Variants in SMIM14 observed in about 807,000 individuals in gnomAD.
SMIM14 encodes the protein chromosome 4 open reading frame 34.
SMIM14 carries 5 observed loss-of-function variants against 12.6 expected under a neutral mutation model. That is an observed-to-expected ratio of 0.40 (90% CI 0.21 to 0.83). The LOEUF is 0.83. Ranked by LOEUF, SMIM14 falls within the 40% of genes least tolerant of loss-of-function variation. SMIM14 has a pLI of 0.37. For synonymous variants in SMIM14, 30 were observed against 40.1 expected, an observed-to-expected ratio of 0.75 and a Z score of 0.95; for missense variants, 86 against 119.1, an observed-to-expected ratio of 0.72 and a Z score of 1.29.
intron 2 of SMIM14, among the ~76,000 whole-genome samples, chr4:39,589,161 AC>A (rs1713931476): frequency 6.6e-6 from 1 of 152,176 alleles, no homozygotes; most frequent in African/African-American, 2.4e-5. Flanking sequence ...ATCTCTGCAC[AC>A]TGTAACCTCT....
At chr4:39,562,354 G>A (rs1472852412) in intron 3 of SMIM14, among the ~76,000 whole-genome samples, 1 of 152,070 alleles carries the variant, frequency 6.6e-6, no homozygotes, top group Non-Finnish European at 1.5e-5. Flanking sequence ...TCCAGCCAGG[G>A]TGGCAGAGAC....
chr4:39,563,534 G>A (rs1288712979), intron 3 of SMIM14, among the ~76,000 whole-genome samples: 1 of 152,208 alleles, frequency 6.6e-6, no homozygotes, highest in Non-Finnish European at 1.5e-5. Flanking sequence ...AAATGAATCT[G>A]ATGCAACAGT....
At chr4:39,594,280 C>T (rs1379127345) in intron 2 of SMIM14, 8 of 152,112 alleles carry the variant, frequency 5.3e-5, no homozygotes, top group Non-Finnish European at 8.8e-5. Flanking sequence ...TTTGACAAAC[C>T]TGAGAAAAAC....
chr4:39,606,103 T>C (rs1714793580), intron 1 of SMIM14, among the ~76,000 whole-genome samples: 1 of 152,050 alleles, frequency 6.6e-6, no homozygotes. Context: ...CCCAGCACTT[T>C]GGGAGGCTGA....
intron 2 of SMIM14, among the ~76,000 whole-genome samples, chr4:39,578,231 TAC>T (rs1401840189): frequency 4.6e-5 from 7 of 152,152 alleles, no homozygotes; most frequent in Non-Finnish European, 8.8e-5. Context: ...CACTGCAGCC[TAC>T]ACTTCCCAGG....
intron 2 of SMIM14, chr4:39,593,918 G>A (rs567825416): frequency 6.6e-6 from 1 of 152,238 alleles, no homozygotes; most frequent in South Asian, 2.1e-4. Flanking sequence ...CAAACAAATG[G>A]AAGAATATTC....
intron 3 of SMIM14, among the ~76,000 whole-genome samples, chr4:39,568,278 CAAA>C (rs958053391): frequency 8.6e-6 from 1 of 116,098 alleles, no homozygotes; most frequent in Non-Finnish European, 1.8e-5. Flanking sequence ...GACTCCTTCT[CAAA>C]AAAAAAAAAA....
chr4:39,624,906 A>T (rs1424979033), intron 1 of SMIM14, among the ~76,000 whole-genome samples: 2 of 151,586 alleles, frequency 1.3e-5, no homozygotes, highest in Non-Finnish European at 2.9e-5. Context: ...GGAAGTAGGC[A>T]AGAAAAGGAT....
rs548745974 is a variant in SMIM14, at chr4:39,582,824, C to T, written c.76-10361G>A. Among the ~76,000 whole-genome samples the T allele has an allele frequency of 2.0e-4, 31 of 152,002 alleles. 2 individuals are homozygous for T. Among genetic ancestry groups the T allele is most frequent in the African/African-American group, 6.3e-4 (26 of 41,396 alleles). On this transcript the variant is annotated intron_variant, in intron 2 of 4. Coordinates refer to ENST00000295958, the MANE Select transcript of SMIM14 (RefSeq NM_174921.3). The stretch of plus-strand genomic sequence containing the variant: ...TTTATTTATTTTTGCAACAGAGTCT[C>T]GCTCTTTTCACCCAGGCCGGATTGT...
intron 4 of SMIM14, 127 bp downstream of exon 4, chr4:39,556,301 G>T: frequency 1.2e-6 from 1 of 821,656 alleles, no homozygotes; most frequent in Non-Finnish European, 1.9e-6. Flanking sequence ...AACTACATAG[G>T]TAGAATACTC....
At chr4:39,618,120 T>C (rs1332710255) in intron 1 of SMIM14, among the ~76,000 whole-genome samples, 2 of 152,118 alleles carry the variant, frequency 1.3e-5, no homozygotes, top group South Asian at 2.1e-4. Flanking sequence ...GAAGCCAGCA[T>C]AGAAACCTAA....
chr4:39,564,958 T>TCC (rs1008545809), intron 3 of SMIM14, among the ~76,000 whole-genome samples: 4 of 152,164 alleles, frequency 2.6e-5, no homozygotes, highest in Admixed American at 6.6e-5. Context: ...ACGCCTGTAA[T>TCC]CCCAGCACTT....
intron 3 of SMIM14, among the ~76,000 whole-genome samples, chr4:39,563,393 C>G (rs1297419416): frequency 6.6e-6 from 1 of 152,126 alleles, no homozygotes; most frequent in Non-Finnish European, 1.5e-5. Context: ...GATTCCCTGG[C>G]CTGGCTATGC....
chr4:39,618,238 AAAAAGG>A (rs1450646834), intron 1 of SMIM14, among the ~76,000 whole-genome samples: 1 of 152,198 alleles, frequency 6.6e-6, no homozygotes, highest in Non-Finnish European at 1.5e-5. Flanking sequence ...CACCATAAAG[AAAAAGG>A]AAAATGCATT....
At chr4:39,636,903 T>C (rs1216357551) in intron 1 of SMIM14, among the ~76,000 whole-genome samples, 2 of 152,176 alleles carry the variant, frequency 1.3e-5, no homozygotes, top group African/African-American at 2.4e-5. Flanking sequence ...GAAAATATGA[T>C]TGTATTTTCA....
rs139522880 is a variant in SMIM14 at position 39,555,786 on chromosome 4, AG to A, written c.267+641del. Among the ~76,000 whole-genome samples, 1,482 of 152,278 alleles carry A rather than the reference AG, an allele frequency of 9.7e-3. 28 individuals carry two copies. Among genetic ancestry groups the A allele is most frequent in the African/African-American group, 0.034 (1,408 of 41,558 alleles). ...GGCTCAGTGTCTCTACTGAATAGCTAGGACAGAAGGGGGTCAAACATTTCAA... is the reference window on the plus strand; with the variant it reads ...GGCTCAGTGTCTCTACTGAATAGCTAGACAGAAGGGGGTCAAACATTTCAA... On this transcript the variant is annotated intron_variant, in intron 4 of 4. Transcript: ENST00000295958.
chr4:39,600,827 C>T (rs565562603), intron 2 of SMIM14, among the ~76,000 whole-genome samples: 3 of 152,150 alleles, frequency 2.0e-5, no homozygotes, highest in South Asian at 2.1e-4. Flanking sequence ...GCAGAGATCG[C>T]GCCATTGCAC....
At chr4:39,621,747 CAGCAG>C (rs1183252939) in intron 1 of SMIM14, among the ~76,000 whole-genome samples, 12 of 141,992 alleles carry the variant, frequency 8.5e-5, no homozygotes, top group African/African-American at 2.8e-4. Context: ...GGCTGGCATG[CAGCAG>C]AGCAATCATG....
chr4:39,557,236 T>G (rs1217055716), intron 3 of SMIM14, among the ~76,000 whole-genome samples: 1 of 152,118 alleles, frequency 6.6e-6, no homozygotes, highest in Non-Finnish European at 1.5e-5. Context: ...GGTCTCGAAC[T>G]CCTGACCTCA....
Sources: allele counts gnomAD v4.1 joint callset (sites outside exome capture counted in the v4.1 genomes callset), GRCh38; gene constraint gnomAD v4.1.1; transcripts MANE v1.5; gene names NCBI Gene and HGNC (gene_info 2026-07-23, HGNC 2026-07-21).